Variants in PPP3CC observed in about 807,000 individuals in gnomAD.
PPP3CC encodes serine/threonine-protein phosphatase 2B catalytic subunit gamma isoform.
PPP3CC carries 35 observed loss-of-function variants against 60.3 expected under a neutral mutation model. That is an observed-to-expected ratio of 0.58 (90% CI 0.44 to 0.77). PPP3CC has a LOEUF of 0.77. Ranked by LOEUF, PPP3CC falls within the 30% of genes least tolerant of loss-of-function variation. The probability of loss-of-function intolerance (pLI) is 0.00; values close to 1 mark genes in which losing one functional copy is unlikely to be tolerated. For synonymous variants in PPP3CC, 206 were observed against 224.3 expected (o/e 0.92, Z 0.73); for missense variants, 570 against 628.9 (o/e 0.91, Z 1.00).
intron 6 of PPP3CC, among the ~76,000 whole-genome samples, chr8:22,514,670 TG>T (rs1235204867): frequency 6.7e-6 from 1 of 148,594 alleles, no homozygotes; most frequent in African/African-American, 2.5e-5. Flanking sequence ...TATTTTTTGT[TG>T]TTTTTTTTTT....
intron 1 of PPP3CC, among the ~76,000 whole-genome samples, chr8:22,470,207 G>A (rs953954622): frequency 6.6e-6 from 1 of 151,860 alleles, no homozygotes; most frequent in Non-Finnish European, 1.5e-5. Context: ...CTGCAGCCTT[G>A]AACTCCTGGG....
intron 8 of PPP3CC, among the ~76,000 whole-genome samples, chr8:22,526,611 A>G (rs771619832): frequency 1.3e-5 from 2 of 152,214 alleles, no homozygotes; most frequent in Non-Finnish European, 2.9e-5. Context: ...TTTCTGGAGA[A>G]CTGTTACACC....
At chr8:22,459,093 G>GTC (rs1386911711) in intron 1 of PPP3CC, among the ~76,000 whole-genome samples, 1 of 151,200 alleles carries the variant, frequency 6.6e-6, no homozygotes, top group African/African-American at 2.4e-5. Context: ...CTGAGACAGA[G>GTC]TCTAGCACTG....
intron 4 of PPP3CC, among the ~76,000 whole-genome samples, chr8:22,502,430 A>C (rs1838788930): frequency 6.6e-6 from 1 of 152,220 alleles, no homozygotes; most frequent in African/African-American, 2.4e-5. Flanking sequence ...TCATGCTCAT[A>C]ATCCTACACT....
At chr8:22,510,958 G>C in intron 4 of PPP3CC, 128 bp from the exon 5 acceptor site, 1 of 1,029,046 alleles carries the variant, frequency 9.7e-7, no homozygotes. Context: ...TCTTTACAAA[G>C]ATAATTGTGC....
At chr8:22,510,978 A>G in intron 4 of PPP3CC, 108 bp from the exon 5 acceptor site, 1 of 1,214,876 alleles carries the variant, frequency 8.2e-7, no homozygotes, top group South Asian at 1.5e-5. Context: ...CTTTCAAATC[A>G]TCTAAAATAA....
intron 10 of PPP3CC, among the ~76,000 whole-genome samples, chr8:22,531,804 G>T (rs923981311): frequency 6.6e-6 from 1 of 152,224 alleles, no homozygotes; most frequent in Non-Finnish European, 1.5e-5. Flanking sequence ...ACAGCTGCTG[G>T]AATGATCACT....
At chr8:22,456,147 T>G (rs1837189133) in intron 1 of PPP3CC, among the ~76,000 whole-genome samples, 1 of 152,280 alleles carries the variant, frequency 6.6e-6, no homozygotes, top group Non-Finnish European at 1.5e-5. Flanking sequence ...TAGTGTCCCA[T>G]GAGGATAAGA....
At chr8:22,513,188 A>G (rs1839139546) in intron 5 of PPP3CC, 105 bp from the exon 6 acceptor site, 1 of 1,180,988 alleles carries the variant, frequency 8.5e-7, no homozygotes, top group South Asian at 1.9e-5. Context: ...CTTCTCTCCT[A>G]ATACATTCTT....
chr8:22,480,713 A>G (rs1284475904), intron 3 of PPP3CC, among the ~76,000 whole-genome samples: 1 of 152,132 alleles, frequency 6.6e-6, no homozygotes, highest in Admixed American at 6.5e-5. Flanking sequence ...TCCTGATCTC[A>G]GGTGATCCAC....
rs1461004916 is a variant in PPP3CC, at chr8:22,475,035, A to T, written c.131A>T (p.Asn44Ile). 1.2e-6 allele frequency: 2 copies of T among 1,613,050 alleles called. No individual in the cohort carries two copies. Among genetic ancestry groups the T allele is most frequent in the Admixed American group, 3.3e-5 (2 of 59,984 alleles). ...NGKPKVDVLK[N>I]HLVKEGRLEE... ...AAACCTAAAGTTGATGTTTTAAAAA[A>T]CCATTTGGTAAAGGAAGGACGACTG... Residue 44 changes from asparagine (N) to isoleucine (I), a missense_variant, in exon 2 of 14, where the codon AAC (asparagine) becomes ATC (isoleucine). Physicochemically the swap from Asn to Ile is moderately radical, Grantham distance 149 (BLOSUM62 -3). Coordinates refer to ENST00000240139, the MANE Select transcript of PPP3CC (RefSeq NM_005605.5).
intron 3 of PPP3CC, among the ~76,000 whole-genome samples, chr8:22,495,627 C>T (rs918236071): frequency 4.6e-5 from 7 of 151,924 alleles, no homozygotes; most frequent in African/African-American, 1.7e-4. Flanking sequence ...GGCGCTATCT[C>T]GGCTTACTTC....
At chr8:22,521,371 A>T (rs1222886408) in intron 6 of PPP3CC, among the ~76,000 whole-genome samples, 1 of 152,140 alleles carries the variant, frequency 6.6e-6, no homozygotes, top group Non-Finnish European at 1.5e-5. Context: ...CCCAGGATGG[A>T]TGAGGCTGGT....
chr8:22,523,387 T>G (rs1338819762), intron 8 of PPP3CC, among the ~76,000 whole-genome samples: 1 of 152,184 alleles, frequency 6.6e-6, no homozygotes, highest in East Asian at 1.9e-4. Flanking sequence ...TTTAAAACTT[T>G]TATGATTAAT....
chr8:22,477,473 CAAAA>C (rs755678527), intron 3 of PPP3CC, among the ~76,000 whole-genome samples: 1 of 136,312 alleles, frequency 7.3e-6, no homozygotes, highest in Non-Finnish European at 1.6e-5. Context: ...GACTCTGTCT[CAAAA>C]AAAAAAAAGA....
intron 12 of PPP3CC, among the ~76,000 whole-genome samples, chr8:22,533,803 C>T (rs571982339): frequency 5.5e-4 from 83 of 150,726 alleles, no homozygotes; most frequent in East Asian, 3.6e-3. Flanking sequence ...CCAGCCTGGG[C>T]GACAGAGTGA....
At chr8:22,452,435 G>T (rs1209604198) in intron 1 of PPP3CC, among the ~76,000 whole-genome samples, 3 of 152,090 alleles carry the variant, frequency 2.0e-5, no homozygotes, top group Admixed American at 1.3e-4. Flanking sequence ...CTAAGAAGCT[G>T]TGGAGAGTAA....
intron 12 of PPP3CC, among the ~76,000 whole-genome samples, chr8:22,533,890 G>A (rs1232363208): frequency 6.7e-6 from 1 of 150,154 alleles, no homozygotes; most frequent in Non-Finnish European, 1.5e-5. Context: ...TTTTCATCTA[G>A]GAAATAGATA....
chr8:22,518,848 A>C lies in PPP3CC; in HGVS notation c.771-3643A>C, dbSNP rs1478498216. On this transcript the variant is annotated intron_variant, in intron 6 of 13. Coordinates refer to ENST00000240139, the MANE Select transcript of PPP3CC (RefSeq NM_005605.5). ...ATTACAGGCATGCACCATCACGCCC[A>C]GCTAATTTTTGTATTTTTAGTAGAG... Among the ~76,000 whole-genome samples, 3 of 151,940 alleles carry C rather than the reference A, an allele frequency of 2.0e-5. No individual in the cohort carries two copies. In the East Asian group the frequency reaches 5.8e-4, roughly 29 times the overall value.
Sources: allele counts gnomAD v4.1 joint callset (sites outside exome capture counted in the v4.1 genomes callset), GRCh38; gene constraint gnomAD v4.1.1; transcripts MANE v1.5; gene names NCBI Gene and HGNC (gene_info 2026-07-23, HGNC 2026-07-21).